Variants in HEPH observed in about 807,000 individuals in gnomAD.
The protein encoded by HEPH is hephaestin.
Under a neutral mutation model 80.8 loss-of-function variants are expected in HEPH, and 69 were observed. The observed-to-expected ratio is 0.85, with a 90% CI of 0.70 to 1.04. The LOEUF (loss-of-function observed/expected upper bound fraction) is 1.04, where lower values mean the gene tolerates loss of function less well. HEPH is among the 50% of genes least tolerant of loss of function. The pLI is 0.00. For synonymous variants in HEPH, 431 were observed against 322.8 expected, an observed-to-expected ratio of 1.34 and a Z score of -3.60; for missense variants, 1,115 against 891.3, an observed-to-expected ratio of 1.25 and a Z score of -3.20.
At position 66,252,185 on chromosome X, in the gene HEPH, G is replaced by A. The variant is rs73215283; in HGVS notation, c.2564-2850G>A. 7.0e-3 allele frequency among the ~76,000 whole-genome samples: 783 copies of A among 111,753 alleles called. 17 individuals are homozygous for A. The highest frequency in any genetic ancestry group is 8.2e-3 in the Non-Finnish European group (434 of 53,078). ...AATCAAAGATAACTCTTGTGTTTTT[G>A]GCTTACATAACTGGTGGCACTATCT... On this transcript the variant is annotated intron_variant, in intron 15 of 20. Coordinates refer to ENST00000343002, the MANE Select transcript of HEPH (RefSeq NM_001367233.3).
chrX:66,220,132 G>A (rs1026642697), intron 15 of HEPH, among the ~76,000 whole-genome samples: 1 of 111,181 alleles, frequency 9.0e-6, no homozygotes, highest in Admixed American at 9.6e-5. Flanking sequence ...ATCAGGAACT[G>A]GGTCTGTAGG....
intron 1 of HEPH, 41 bp from the exon 2 acceptor site, chrX:66,170,517 C>A: frequency 6.9e-6 from 8 of 1,154,232 alleles, no homozygotes; most frequent in Non-Finnish European, 8.2e-6. Flanking sequence ...CCTTTGTTCT[C>A]TTTCTTCTAC....
At chrX:66,187,361 G>A (rs766035658) in intron 4 of HEPH, among the ~76,000 whole-genome samples, 1 of 111,010 alleles carries the variant, frequency 9.0e-6, no homozygotes, top group Non-Finnish European at 1.9e-5. Flanking sequence ...TTGGGTTTCT[G>A]GTTCCTTCTC....
At position 66,206,802 on chromosome X, in the gene HEPH, G is replaced by A. The variant is rs533756388; in HGVS notation, c.2292-393G>A. Among the ~76,000 whole-genome samples, 5 of 109,670 alleles carry A rather than the reference G, an allele frequency of 4.6e-5. No homozygotes were observed. The South Asian group carries it at 1.9e-3, about 43-fold the overall frequency. ...AGGCCAAGGTGGGTGAATCATCTGA[G>A]GTCAGGAGTTCAAAACCAGCCTGAC... On this transcript the variant is annotated intron_variant, in intron 13 of 20. Coordinates refer to ENST00000343002, the MANE Select transcript of HEPH (RefSeq NM_001367233.3).
intron 15 of HEPH, among the ~76,000 whole-genome samples, chrX:66,247,209 T>C (rs2090844851): frequency 9.1e-6 from 1 of 110,322 alleles, no homozygotes; most frequent in Admixed American, 9.7e-5. Flanking sequence ...GATTTACATG[T>C]TTTGTCAAAT....
At chrX:66,264,056 A>C (rs1278094764) in intron 20 of HEPH, among the ~76,000 whole-genome samples, 1 of 110,187 alleles carries the variant, frequency 9.1e-6, no homozygotes, top group Non-Finnish European at 1.9e-5. Flanking sequence ...ATGAATATGC[A>C]AAGGTATACA....
intron 11 of HEPH, 195 bp from the exon 12 acceptor site, chrX:66,200,345 G>A (rs1021948315): frequency 1.4e-5 from 6 of 429,439 alleles, no homozygotes; most frequent in Non-Finnish European, 2.0e-5. Flanking sequence ...AAGGACAGTT[G>A]AGCACTCATC....
At position 66,170,673 on chromosome X, in the gene HEPH, G is replaced by A. The variant is rs1211472286; in HGVS notation, c.103G>A (p.Val35Met). 2 of 1,209,013 alleles carry A rather than the reference G, an allele frequency of 1.7e-6. No individual in the cohort carries two copies. The highest frequency in any genetic ancestry group is 2.2e-6 in the Non-Finnish European group (2 of 894,557). ...AGTCTACTACCTGGGCATCCGGGAT[G>A]TGCAGTGGAACTATGCTCCCAAGGG... The part of the protein sequence containing the change: ...TRVYYLGIRD[V>M]QWNYAPKGRN... Residue 35 changes from valine to methionine, a missense_variant, in exon 2 of 21, where the codon GTG becomes ATG. Physicochemically the swap from Val to Met is conservative, Grantham distance 21 (BLOSUM62 1). Around this residue, in one of 3 missense-constraint regions of HEPH, gnomAD observed 391 missense variants for 343.6 expected, o/e 1.14. Coordinates refer to ENST00000343002, the MANE Select transcript of HEPH (RefSeq NM_001367233.3).
Position 66,255,161 on chromosome X carries a change from C to A in HEPH, c.2670+20C>A. ...ATCAAGGTAAATACAAGATTGGCTA[C>A]CTGGAGGTGGGTCAAACTCCCTGGC... On this transcript the variant is annotated intron_variant, in intron 16 of 20. Transcript: ENST00000343002. 9.1e-7 allele frequency: 1 copy of A among 1,097,938 alleles called. No individual in the cohort carries two copies. Among genetic ancestry groups the A allele is most frequent in the Non-Finnish European group, 1.3e-6 (1 of 797,649 alleles). The allele number at this position is 1,097,938 out of a possible 1,213,427, so 90.5% of individuals were successfully genotyped here. A position where few individuals can be genotyped will look rare whatever the true frequency, so the allele number is the denominator to read the frequency against.
Position 66,256,333 on chromosome X carries a change from C to A in HEPH, c.2896+3C>A, listed in dbSNP as rs775229012. 28 of 1,176,977 alleles carry A rather than the reference C, an allele frequency of 2.4e-5. No homozygotes were observed. The East Asian group carries it at 7.5e-4, about 31-fold the overall frequency. On this transcript the variant is annotated splice_donor_region_variant and intron_variant, in intron 17 of 20. Transcript: ENST00000343002. ...CTTGGAGAGCAATAAAATGCATGGT[C>A]AGTAGTAAAAAACCTACTCTTGTTC... is the stretch of plus-strand genomic sequence containing the variant.
rs780932432 is a variant in HEPH, at chrX:66,169,372, T to C, written c.-13-1186T>C. ...ATCTCTGCTTTTAGGTAAGACTACA[T>C]GTACCTGTGTGTGCAAGTTTATGTA... On this transcript the variant is annotated intron_variant, in intron 1 of 20. Transcript: ENST00000343002. 2.7e-5 allele frequency among the ~76,000 whole-genome samples: 3 copies of C among 112,023 alleles called. 1 individual carries two copies. Among genetic ancestry groups the C allele is most frequent in the Non-Finnish European group, 5.6e-5 (3 of 53,213 alleles).
chrX:66,234,018 C>T (rs1164737412), intron 15 of HEPH, among the ~76,000 whole-genome samples: 1 of 111,003 alleles, frequency 9.0e-6, no homozygotes, highest in Non-Finnish European at 1.9e-5. Flanking sequence ...AGGTACTAAG[C>T]CTAGTACCCA....
At chrX:66,201,196 T>C (rs1269900003) in intron 12 of HEPH, among the ~76,000 whole-genome samples, 1 of 110,698 alleles carries the variant, frequency 9.0e-6, no homozygotes, top group Non-Finnish European at 1.9e-5. Flanking sequence ...TTTCTCTTTC[T>C]ACCCATGATG....
intron 5 of HEPH, 57 bp downstream of exon 5, chrX:66,188,598 C>A (rs1379520193): frequency 9.7e-7 from 1 of 1,031,797 alleles, no homozygotes; most frequent in Non-Finnish European, 1.3e-6. Context: ...AGGGTATCCA[C>A]TGGGCCTAGT....
rs1010606882 is a variant in HEPH, at chrX:66,267,249, A to G, written c.*577A>G. 1 of 113,425 alleles carries G rather than the reference A, an allele frequency of 8.8e-6. No individual in the cohort carries two copies. Among genetic ancestry groups the G allele is most frequent in the Non-Finnish European group, 1.9e-5 (1 of 53,971 alleles). 9.3% of individuals were successfully genotyped at this position (113,425 alleles called of 1,213,427 possible). A position where few individuals can be genotyped will look rare whatever the true frequency, so the allele number is the denominator to read the frequency against. On this transcript the variant is annotated 3_prime_UTR_variant, in exon 21 of 21. Coordinates refer to ENST00000343002, the MANE Select transcript of HEPH (RefSeq NM_001367233.3). ...TGGGTTGTTGCTGCCATGAGCATGT[A>G]CAACCTCTGGAGCTAGAAGCTCCTC...
At position 66,198,907 on chromosome X, in the gene HEPH, C is replaced by T. The variant is rs1162958286; in HGVS notation, c.1743C>T (p.Leu581=). The part of the protein sequence containing the change: ...QKGVDKEFFL[L]FTVLDENKSW... The stretch of plus-strand genomic sequence containing the variant: ...GGGTGGATAAAGAATTCTTTCTTCT[C>T]TTCACTGTGTTGGATGAGAACAAGA... Residue 581 remains leucine (L), a synonymous_variant, in exon 11 of 21, where the codon CTC becomes CTT. Transcript: ENST00000343002. The T allele has an allele frequency of 8.3e-7, 1 of 1,202,977 alleles. No individual in the cohort carries two copies. Among genetic ancestry groups the T allele is most frequent in the East Asian group, 3.0e-5 (1 of 33,796 alleles).
intron 15 of HEPH, among the ~76,000 whole-genome samples, chrX:66,229,414 G>A (rs1293502762): frequency 9.0e-6 from 1 of 111,409 alleles, no homozygotes; most frequent in East Asian, 2.8e-4. Context: ...GGATGCAAAT[G>A]CATAAGAATG....
chrX:66,241,305 A>G (rs1233337802), intron 15 of HEPH, among the ~76,000 whole-genome samples: 2 of 111,790 alleles, frequency 1.8e-5, no homozygotes, highest in Non-Finnish European at 3.8e-5. Context: ...ATTAAAAGGC[A>G]TGGAGTGGCA....
intron 4 of HEPH, among the ~76,000 whole-genome samples, chrX:66,187,642 G>T (rs1569303169): frequency 9.0e-6 from 1 of 111,133 alleles, no homozygotes; most frequent in Non-Finnish European, 1.9e-5. Context: ...ACAGTATTTG[G>T]GGTGTCTCCC....
Sources: allele counts gnomAD v4.1 joint callset (sites outside exome capture counted in the v4.1 genomes callset), GRCh38; gene constraint gnomAD v4.1.1; regional missense constraint gnomAD v4.1.1; transcripts MANE v1.5; gene names NCBI Gene and HGNC (gene_info 2026-07-23, HGNC 2026-07-21).